Variants in SLC8A1 observed in about 807,000 individuals in gnomAD.
SLC8A1 encodes the protein sodium/calcium exchanger 1.
SLC8A1 carries 18 observed loss-of-function variants against 68.3 expected under a neutral mutation model. That is an observed-to-expected ratio of 0.26 (90% CI 0.18 to 0.39). SLC8A1 has a LOEUF of 0.39. SLC8A1 is among the 10% of genes least tolerant of loss of function. The pLI is 1.00. For missense variants in SLC8A1, 985 were observed against 1,156.7 expected (o/e 0.85, Z 2.15); for synonymous variants, 475 against 415.5 (o/e 1.14, Z -1.74).
rs138947077 is a variant in SLC8A1 at position 40,383,306 on chromosome 2, T to C, written c.1808+45167A>G. ...TTTACATACCGGAACAAATTTGATA[T>C]ATGTTTTTTGTCCTTAGTTGGACAA... On this transcript the variant is annotated intron_variant, in intron 2 of 7. Transcript: ENST00000406785. 5.6e-3 allele frequency among the ~76,000 whole-genome samples: 850 copies of C among 152,244 alleles called. 5 individuals carry two copies. Among genetic ancestry groups the C allele is most frequent in the African/African-American group, 0.019 (794 of 41,560 alleles).
chr2:40,134,255 C>A (rs1224163888), intron 7 of SLC8A1, among the ~76,000 whole-genome samples: 1 of 152,002 alleles, frequency 6.6e-6, no homozygotes, highest in African/African-American at 2.4e-5. Context: ...CCACGCCCAG[C>A]TAATTTTTGT....
At chr2:40,420,998 T>G (rs747529698) in intron 2 of SLC8A1, among the ~76,000 whole-genome samples, 7 of 152,126 alleles carry the variant, frequency 4.6e-5, no homozygotes, top group Non-Finnish European at 7.4e-5. Context: ...TTGCAAAGAT[T>G]AAGTCATACG....
At chr2:40,127,367 G>A (rs147119295) in intron 7 of SLC8A1, among the ~76,000 whole-genome samples, 126 of 152,264 alleles carry the variant, frequency 8.3e-4, no homozygotes, top group African/African-American at 2.8e-3. Context: ...CACTTCCAGC[G>A]CAGCCTCAAA....
chr2:40,501,794 T>C (rs1166246735), intron 1 of SLC8A1, among the ~76,000 whole-genome samples: 1 of 152,062 alleles, frequency 6.6e-6, no homozygotes, highest in Non-Finnish European at 1.5e-5. Context: ...TTGCCACTTA[T>C]GTGGGACCTG....
At chr2:40,306,059 A>G (rs1409828707) in intron 2 of SLC8A1, among the ~76,000 whole-genome samples, 1 of 152,170 alleles carries the variant, frequency 6.6e-6, no homozygotes, top group Non-Finnish European at 1.5e-5. Context: ...TTTCCAAGGA[A>G]CTGTCTATTC....
chr2:40,395,372 T>C (rs998962221), intron 2 of SLC8A1, among the ~76,000 whole-genome samples: 1 of 152,140 alleles, frequency 6.6e-6, no homozygotes, highest in Non-Finnish European at 1.5e-5. Context: ...AACATACCTA[T>C]CTAGAACTGT....
At chr2:40,362,938 A>T (rs1410300207) in intron 2 of SLC8A1, among the ~76,000 whole-genome samples, 1 of 152,102 alleles carries the variant, frequency 6.6e-6, no homozygotes, top group Non-Finnish European at 1.5e-5. Flanking sequence ...CATGCAATAC[A>T]GTTTATCTAG....
Position 40,116,509 on chromosome 2 carries a change from G to C in SLC8A1, c.2438-880C>G, listed in dbSNP as rs544794212. Among the ~76,000 whole-genome samples the C allele has an allele frequency of 1.1e-4, 17 of 148,788 alleles. No individual in the cohort carries two copies. The South Asian group carries it at 3.8e-3, about 33-fold the overall frequency. On this transcript the variant is annotated intron_variant, in intron 7 of 7. Coordinates refer to ENST00000406785, the Ensembl canonical transcript of SLC8A1. ...CCCAGAGTGTGATGTTCCCCTTCCT[G>C]TGTCCATGTGATCTCACTGTTCAAT...
intron 2 of SLC8A1, among the ~76,000 whole-genome samples, chr2:40,323,587 G>A (rs1322084718): frequency 6.6e-6 from 1 of 151,878 alleles, no homozygotes; most frequent in Non-Finnish European, 1.5e-5. Context: ...TCAAGTACCA[G>A]GAAACAGCAT....
chr2:40,424,341 A>G (rs1451474659), intron 2 of SLC8A1, among the ~76,000 whole-genome samples: 2 of 151,826 alleles, frequency 1.3e-5, no homozygotes, highest in Non-Finnish European at 3.0e-5. Flanking sequence ...AGCTAAGTCT[A>G]TAGAGAATTC....
At chr2:40,267,150 A>C (rs767708851) in intron 2 of SLC8A1, among the ~76,000 whole-genome samples, 1 of 152,210 alleles carries the variant, frequency 6.6e-6, no homozygotes, top group Non-Finnish European at 1.5e-5. Flanking sequence ...AATTTCATTA[A>C]CTAGAGTATA....
chr2:40,406,760 T>C (rs1340809809), intron 2 of SLC8A1, among the ~76,000 whole-genome samples: 1 of 152,164 alleles, frequency 6.6e-6, no homozygotes, highest in Non-Finnish European at 1.5e-5. Context: ...CTAACCATTG[T>C]CAGCTCACCC....
intron 2 of SLC8A1, among the ~76,000 whole-genome samples, chr2:40,393,235 G>C (rs538027794): frequency 6.6e-6 from 1 of 152,066 alleles, no homozygotes; most frequent in South Asian, 2.1e-4. Flanking sequence ...ACAATGATTA[G>C]AACACACTTC....
upstream of SLC8A1, among the ~76,000 whole-genome samples, chr2:40,452,439 T>C (rs986186180): frequency 2.6e-5 from 4 of 152,146 alleles, no homozygotes; most frequent in African/African-American, 9.6e-5. Flanking sequence ...GGCCGCGCGC[T>C]AGCGCTGTCT....
At chr2:40,124,836 G>A (rs553427893) in intron 7 of SLC8A1, among the ~76,000 whole-genome samples, 18 of 152,340 alleles carry the variant, frequency 1.2e-4, no homozygotes, top group African/African-American at 4.3e-4. Context: ...AAACATTCAT[G>A]ACACACTGCT....
chr2:40,449,148 T>TAA (rs563163544), intron 1 of SLC8A1, among the ~76,000 whole-genome samples: 21 of 129,622 alleles, frequency 1.6e-4, no homozygotes, highest in Admixed American at 3.9e-4. Flanking sequence ...ATTGCAACAT[T>TAA]AAAAAAAAAA....
rs534993777 is a variant in SLC8A1, at chr2:40,313,733, T to G, written c.1808+114740A>C. Among the ~76,000 whole-genome samples the G allele has an allele frequency of 2.6e-5, 4 of 152,220 alleles. No individual in the cohort carries two copies. In the South Asian group the frequency reaches 8.3e-4, roughly 32 times the overall value. ...CAATTTTTAATTGTAGCTACTCTATTCAGTGTGCATTACTATTTCATTGGG... is the reference window on the plus strand; with the variant it reads ...CAATTTTTAATTGTAGCTACTCTATGCAGTGTGCATTACTATTTCATTGGG... On this transcript the variant is annotated intron_variant, in intron 2 of 7. Coordinates refer to ENST00000406785, the Ensembl canonical transcript of SLC8A1.
Position 40,200,249 on chromosome 2 carries a change from T to TAAATAA in SLC8A1, c.1809-22395_1809-22394insTTATTT, listed in dbSNP as rs1461541616. Among the ~76,000 whole-genome samples the TAAATAA allele has an allele frequency of 3.0e-4, 8 of 26,978 alleles. 1 individual carries two copies. Among genetic ancestry groups the TAAATAA allele is most frequent in the African/African-American group, 6.1e-4 (7 of 11,390 alleles). The allele number at this position is 26,978 out of a possible 152,430, so 17.7% of individuals were successfully genotyped here. A position where few individuals can be genotyped will look rare whatever the true frequency, so the allele number is the denominator to read the frequency against. The stretch of plus-strand genomic sequence containing the variant: ...TTATATATATATATAAATATATATA[T>TAAATAA]ATATATATATATATATATAACCTCT... On this transcript the variant is annotated intron_variant, in intron 2 of 7. Transcript: ENST00000406785.
At chr2:40,451,631 A>ACTGGCAGG (rs1702501411) in intron 1 of SLC8A1, among the ~76,000 whole-genome samples, 1 of 151,950 alleles carries the variant, frequency 6.6e-6, no homozygotes, top group South Asian at 2.1e-4. Flanking sequence ...GGCAGCCTGC[A>ACTGGCAGG]CTGGCAGGCA....
Sources: allele counts gnomAD v4.1 joint callset (sites outside exome capture counted in the v4.1 genomes callset), GRCh38; gene constraint gnomAD v4.1.1; transcripts MANE v1.5; gene names NCBI Gene and HGNC (gene_info 2026-07-23, HGNC 2026-07-21).